Variants in FRK observed in about 807,000 individuals in gnomAD.
FRK encodes fyn related Src family tyrosine kinase.
Under a neutral mutation model 56.4 loss-of-function variants are expected in FRK, and 51 were observed. The observed-to-expected ratio is 0.90, with a 90% CI of 0.72 to 1.14. The LOEUF is 1.14. Ranked by LOEUF, FRK falls within the 50% of genes most tolerant of loss-of-function variation. The pLI is 0.00. For synonymous variants in FRK, 245 were observed against 217.9 expected (o/e 1.12, Z -1.10); for missense variants, 570 against 601.4 (o/e 0.95, Z 0.55).
At chr6:115,949,694 A>G (rs138249103) in intron 5 of FRK, among the ~76,000 whole-genome samples, 4,620 of 152,308 alleles carry the variant, frequency 0.03, 99 homozygotes, top group South Asian at 0.049. Flanking sequence ...TAAATTTCAT[A>G]TGGAACCAAA....
At chr6:116,083,170 G>A in the FRK span, among the ~76,000 whole-genome samples, 3 of 152,180 alleles carry the variant, frequency 2.0e-5, no homozygotes, top group Non-Finnish European at 4.4e-5. Flanking sequence ...AAATAATACT[G>A]AGGATTGACC....
the FRK span, among the ~76,000 whole-genome samples, chr6:116,089,759 A>G: frequency 1.3e-5 from 2 of 152,180 alleles, no homozygotes; most frequent in South Asian, 4.1e-4. Flanking sequence ...ACCTCTTCAA[A>G]GGCCCTATCA....
chr6:116,068,599 T>C, the FRK span, among the ~76,000 whole-genome samples: 18 of 152,280 alleles, frequency 1.2e-4, no homozygotes, highest in African/African-American at 4.3e-4. Context: ...TCCATAACTG[T>C]AGCAGTTTTC....
At chr6:116,039,132 C>A (rs75648305) in intron 1 of FRK, 33,140 of 906,040 alleles carry the variant, frequency 0.037, 780 homozygotes, top group Non-Finnish European at 0.048. Context: ...ATCGCTTGCA[C>A]TGGGGAGAAG....
At chr6:115,942,945 TG>T in intron 7 of FRK, 74 bp downstream of exon 7, 1 of 1,429,342 alleles carries the variant, frequency 7.0e-7, no homozygotes, top group Non-Finnish European at 9.6e-7. Context: ...CCTCTAAGTC[TG>T]GGCAAAGCAG....
rs1173647193 is a variant in FRK at position 115,937,825 on chromosome 6, A to G, written c.*4589T>C. The G allele has an allele frequency of 6.6e-6, 1 of 152,236 alleles. No homozygotes were observed. Among genetic ancestry groups the G allele is most frequent in the Admixed American group, 6.5e-5 (1 of 15,292 alleles). The allele number at this position is 152,236 out of a possible 1,614,324, so 9.4% of individuals were successfully genotyped here. A position where few individuals can be genotyped will look rare whatever the true frequency, so the allele number is the denominator to read the frequency against. ...AATACAGAAGCACCCAGATTCATAA[A>G]GCAAGTTCTTAGAGAACTACAAAGA... is the stretch of plus-strand genomic sequence containing the variant. On this transcript the variant is annotated 3_prime_UTR_variant, in exon 8 of 8. Coordinates refer to ENST00000606080, the MANE Select transcript of FRK (RefSeq NM_002031.3).
intron 2 of FRK, among the ~76,000 whole-genome samples, chr6:115,970,047 G>C (rs755403683): frequency 6.6e-6 from 1 of 152,030 alleles, no homozygotes; most frequent in Non-Finnish European, 1.5e-5. Flanking sequence ...TGATTAGTCA[G>C]GCTGGTGCAA....
chr6:116,079,327 G>T, the FRK span, among the ~76,000 whole-genome samples: 7 of 151,294 alleles, frequency 4.6e-5, no homozygotes, highest in Non-Finnish European at 1.0e-4. Flanking sequence ...GTGATATTGG[G>T]CATCTTAATT....
chr6:116,071,598 T>TA, the FRK span, among the ~76,000 whole-genome samples: 4 of 152,100 alleles, frequency 2.6e-5, no homozygotes, highest in African/African-American at 7.2e-5. Context: ...GTCAGTGCTT[T>TA]AAAAAAAGAT....
At chr6:116,043,110 A>G (rs1776792695) in intron 1 of FRK, among the ~76,000 whole-genome samples, 1 of 152,242 alleles carries the variant, frequency 6.6e-6, no homozygotes, top group East Asian at 1.9e-4. Flanking sequence ...ACCTACAAAC[A>G]GACTTAGACT....
Position 115,968,583 on chromosome 6 carries a change from C to T in FRK, c.623G>A (p.Cys208Tyr). ...GCTTGAAAGCATTTTCACCTTTAAG[C>T]ATGGTTTCCCCAGCTTGACACACAG... ...DGLCVKLGKP[C>Y]LKIQVPAPFD... is the part of the protein sequence containing the mutation. Residue 208 changes from cysteine to tyrosine, a missense_variant, in exon 3 of 8, where the codon TGC becomes TAC. Transcript: ENST00000606080. 6.2e-7 allele frequency: 1 copy of T among 1,610,366 alleles called. No individual in the cohort carries two copies. Among genetic ancestry groups the T allele is most frequent in the Non-Finnish European group, 8.5e-7 (1 of 1,178,714 alleles).
chr6:116,041,720 T>C lies in FRK; in HGVS notation c.344+18248A>G, dbSNP rs756964996. Among the ~76,000 whole-genome samples, 169 of 152,266 alleles carry C rather than the reference T, an allele frequency of 1.1e-3. 1 individual carries two copies. The highest frequency in any genetic ancestry group is 3.7e-3 in the Admixed American group (57 of 15,300). On this transcript the variant is annotated intron_variant, in intron 1 of 7. Transcript: ENST00000606080. ...GAGGAACGGTGCACTCCAGCCCAGATACTACTCTTTTCCCACAGTCTCAGA... is the reference window on the plus strand; with the variant it reads ...GAGGAACGGTGCACTCCAGCCCAGACACTACTCTTTTCCCACAGTCTCAGA...
At chr6:116,037,452 G>A (rs894811746) in intron 1 of FRK, among the ~76,000 whole-genome samples, 1 of 152,132 alleles carries the variant, frequency 6.6e-6, no homozygotes, top group Non-Finnish European at 1.5e-5. Flanking sequence ...CTACACTACA[G>A]ACCCAATGGT....
At chr6:116,031,827 C>T (rs895039852) in intron 1 of FRK, among the ~76,000 whole-genome samples, 2 of 152,028 alleles carry the variant, frequency 1.3e-5, no homozygotes, top group Middle Eastern at 3.2e-3. Flanking sequence ...AAATATGAAA[C>T]AGCAGATTAG....
chr6:115,946,939 C>A (rs1048786931), intron 5 of FRK, among the ~76,000 whole-genome samples: 1 of 151,988 alleles, frequency 6.6e-6, no homozygotes, highest in Non-Finnish European at 1.5e-5. Flanking sequence ...GACTGGAGAT[C>A]AGGTATAAGG....
At chr6:116,003,556 G>A (rs1362987138) in intron 2 of FRK, among the ~76,000 whole-genome samples, 2 of 152,164 alleles carry the variant, frequency 1.3e-5, no homozygotes, top group Admixed American at 6.5e-5. Flanking sequence ...TTTGACAACA[G>A]TAGAGTTTTT....
chr6:116,018,150 C>T (rs1325806281), intron 1 of FRK, among the ~76,000 whole-genome samples: 2 of 152,124 alleles, frequency 1.3e-5, no homozygotes, highest in African/African-American at 4.8e-5. Flanking sequence ...TTCTCTGTGC[C>T]AGGGATTTTA....
chr6:115,962,217 G>A, intron 4 of FRK, among the ~76,000 whole-genome samples: 1 of 127,342 alleles, frequency 7.9e-6, no homozygotes, highest in Non-Finnish European at 1.7e-5. Flanking sequence ...CAAGCCAATG[G>A]AAAACAAAAA....
At chr6:115,946,130 C>A (rs934344675) in intron 5 of FRK, among the ~76,000 whole-genome samples, 1 of 151,942 alleles carries the variant, frequency 6.6e-6, no homozygotes, top group Non-Finnish European at 1.5e-5. Context: ...CTTATATATC[C>A]CCGTCTCAAT....
Sources: allele counts gnomAD v4.1 joint callset (sites outside exome capture counted in the v4.1 genomes callset), GRCh38; gene constraint gnomAD v4.1.1; transcripts MANE v1.5; gene names NCBI Gene and HGNC (gene_info 2026-07-23, HGNC 2026-07-21).